The following GALNTL6 variants were observed in gnomAD, a reference collection of about 807,000 sequenced individuals.
The protein encoded by GALNTL6 is polypeptide N-acetylgalactosaminyltransferase-like 6.
In GALNTL6, 46 loss-of-function variants were observed where a neutral mutation model predicts 73.7. The ratio of observed to expected loss-of-function variants is 0.62; its 90% CI spans 0.49 to 0.80. The LOEUF is 0.80. GALNTL6 is among the 30% of genes least tolerant of loss of function. GALNTL6 has a pLI of 0.00. For synonymous variants in GALNTL6, 259 were observed against 263.7 expected (o/e 0.98, Z 0.17); for missense variants, 604 against 755.0 (o/e 0.80, Z 2.34).
chr4:172,694,624 T>A (rs2111268273), intron 5 of GALNTL6, among the ~76,000 whole-genome samples: 1 of 152,280 alleles, frequency 6.6e-6, no homozygotes, highest in African/African-American at 2.4e-5. Context: ...CTATGGGGGC[T>A]GGAAGCTTGG....
intron 2 of GALNTL6, among the ~76,000 whole-genome samples, chr4:172,013,757 T>C (rs745556362): frequency 2.0e-5 from 3 of 152,042 alleles, no homozygotes; most frequent in Non-Finnish European, 2.9e-5. Context: ...TAAATTATTA[T>C]TGACTATAGT....
At chr4:172,175,791 A>G (rs1477976838) in intron 2 of GALNTL6, among the ~76,000 whole-genome samples, 4 of 152,182 alleles carry the variant, frequency 2.6e-5, no homozygotes, top group Non-Finnish European at 1.5e-5. Flanking sequence ...TGCTTTAACC[A>G]TAATCTTATA....
At chr4:171,851,552 C>T (rs565611725) in intron 2 of GALNTL6, among the ~76,000 whole-genome samples, 3 of 152,260 alleles carry the variant, frequency 2.0e-5, no homozygotes, top group African/African-American at 7.2e-5. Context: ...TCTCAGATAG[C>T]TCTTAGGTTA....
intron 2 of GALNTL6, among the ~76,000 whole-genome samples, chr4:172,016,848 G>A (rs1340520817): frequency 6.6e-6 from 1 of 151,982 alleles, no homozygotes; most frequent in Non-Finnish European, 1.5e-5. Context: ...CACTCTGTAT[G>A]AGATCCTTAG....
chr4:172,390,936 C>T (rs895088508), intron 5 of GALNTL6, among the ~76,000 whole-genome samples: 2 of 151,742 alleles, frequency 1.3e-5, no homozygotes, highest in African/African-American at 2.4e-5. Flanking sequence ...TTAAGGCACT[C>T]TTATGAAAAA....
chr4:172,882,860 C>T lies in GALNTL6; in HGVS notation c.994C>T (p.Pro332Ser). The change falls in exon 8 of 13, where the codon CCA becomes TCA. Residue 332 changes from proline to serine, a missense_variant. Pro to Ser is a moderately conservative substitution (Grantham distance 74, BLOSUM62 -1). Transcript: ENST00000506823. Reference sequence around the variant, plus strand: ...GTTTTGGGAATTGGGTGGCTATGATCCAGGTTTAGAAATCTGGGGAGGAGA... The same window carrying T: ...GTTTTGGGAATTGGGTGGCTATGATTCAGGTTTAGAAATCTGGGGAGGAGA... The part of the protein sequence containing the change: ...KWFWELGGYD[P>S]GLEIWGGEQY... 2 of 1,612,298 alleles carry T rather than the reference C, an allele frequency of 1.2e-6. No individual in the cohort carries two copies. Among genetic ancestry groups the T allele is most frequent in the Admixed American group, 1.7e-5 (1 of 59,966 alleles).
At chr4:172,211,454 G>A (rs911831912) in intron 2 of GALNTL6, among the ~76,000 whole-genome samples, 1 of 152,086 alleles carries the variant, frequency 6.6e-6, no homozygotes, top group African/African-American at 2.4e-5. Flanking sequence ...GATCATTCTA[G>A]CCTCCTTCCC....
chr4:172,670,280 G>A (rs1381523595), intron 5 of GALNTL6, among the ~76,000 whole-genome samples: 1 of 152,076 alleles, frequency 6.6e-6, no homozygotes. Flanking sequence ...CAGTATATAA[G>A]CATTTGCTTT....
intron 2 of GALNTL6, among the ~76,000 whole-genome samples, chr4:171,825,259 G>C (rs139252257): frequency 7.2e-5 from 11 of 152,226 alleles, no homozygotes; most frequent in African/African-American, 2.2e-4. Context: ...AATGCGGCTG[G>C]AGACCATAGT....
chr4:171,836,646 C>T (rs900662418), intron 2 of GALNTL6, among the ~76,000 whole-genome samples: 5 of 152,030 alleles, frequency 3.3e-5, no homozygotes, highest in Admixed American at 6.6e-5. Context: ...TATTTTGTTT[C>T]GTATCCCACA....
intron 5 of GALNTL6, among the ~76,000 whole-genome samples, chr4:172,456,703 GA>G (rs1204693392): frequency 6.9e-6 from 1 of 144,768 alleles, no homozygotes; most frequent in Non-Finnish European, 1.5e-5. Context: ...GGGACTATGT[GA>G]AAAAAACAAA....
At chr4:172,741,858 C>T (rs184426807) in intron 5 of GALNTL6, among the ~76,000 whole-genome samples, 1 of 152,074 alleles carries the variant, frequency 6.6e-6, no homozygotes, top group Non-Finnish European at 1.5e-5. Context: ...CTGTATCCAA[C>T]TCTGAGAAAT....
rs963512720 is a variant in GALNTL6 at position 171,853,098 on chromosome 4, C to G, written c.138+38380C>G. Among the ~76,000 whole-genome samples the G allele has an allele frequency of 2.0e-5, 3 of 147,272 alleles. No homozygotes were observed. The Admixed American group carries it at 2.1e-4, about 10-fold the overall frequency. ...CAGGATGGTTTTGATCTCCTGACCTCGTGATCCGCCCGCTTCAGCCTCCCA... is the reference window on the plus strand; with the variant it reads ...CAGGATGGTTTTGATCTCCTGACCTGGTGATCCGCCCGCTTCAGCCTCCCA... On this transcript the variant is annotated intron_variant, in intron 2 of 12. Transcript: ENST00000506823.
chr4:172,780,719 T>C (rs2110895664), intron 5 of GALNTL6, among the ~76,000 whole-genome samples: 1 of 152,356 alleles, frequency 6.6e-6, no homozygotes, highest in South Asian at 2.1e-4. Flanking sequence ...TCAGAACCTA[T>C]TGTTTTAATT....
chr4:172,428,475 C>G (rs1294237858), intron 5 of GALNTL6, among the ~76,000 whole-genome samples: 3 of 152,134 alleles, frequency 2.0e-5, no homozygotes. Flanking sequence ...TAGAGACTCT[C>G]TAACAAAATT....
At chr4:172,060,728 G>A (rs1731173744) in intron 2 of GALNTL6, among the ~76,000 whole-genome samples, 1 of 152,086 alleles carries the variant, frequency 6.6e-6, no homozygotes, top group South Asian at 2.1e-4. Context: ...ACCATTTCAG[G>A]CTGGCATTCA....
intron 2 of GALNTL6, among the ~76,000 whole-genome samples, chr4:172,220,984 T>C (rs1736654000): frequency 6.6e-6 from 1 of 151,878 alleles, no homozygotes; most frequent in Non-Finnish European, 1.5e-5. Context: ...AACTTAGCCA[T>C]GCTATTATCC....
At chr4:173,035,645 A>G (rs1484187151) in intron 12 of GALNTL6, among the ~76,000 whole-genome samples, 1 of 152,248 alleles carries the variant, frequency 6.6e-6, no homozygotes, top group African/African-American at 2.4e-5. Context: ...TCTTCTAGGC[A>G]AAGGACCTAA....
chr4:172,612,280 G>A (rs370457644), intron 5 of GALNTL6, among the ~76,000 whole-genome samples: 1 of 152,026 alleles, frequency 6.6e-6, no homozygotes, highest in South Asian at 2.1e-4. Context: ...TGTCAAAATA[G>A]ATATTATGTC....
Sources: allele counts gnomAD v4.1 joint callset (sites outside exome capture counted in the v4.1 genomes callset), GRCh38; gene constraint gnomAD v4.1.1; transcripts MANE v1.5; gene names NCBI Gene and HGNC (gene_info 2026-07-23, HGNC 2026-07-21).